DCUN1D2: variants seen among roughly 807,000 people sequenced by gnomAD.
DCUN1D2 encodes DCN1-like protein 2.
In DCUN1D2, 29 loss-of-function variants were observed where a neutral mutation model predicts 30.9. The ratio of observed to expected loss-of-function variants is 0.94; its 90% CI spans 0.70 to 1.28. The LOEUF (loss-of-function observed/expected upper bound fraction) is 1.28, where lower values mean the gene tolerates loss of function less well. Ranked by LOEUF, DCUN1D2 falls within the 50% of genes most tolerant of loss-of-function variation. DCUN1D2 has a pLI of 0.00. For missense variants in DCUN1D2, 325 were observed against 316.9 expected (o/e 1.03, Z -0.19); for synonymous variants, 121 against 115.3 (o/e 1.05, Z -0.32).
chr13:113,459,807 T>TC (rs373005506), intron 5 of DCUN1D2, among the ~76,000 whole-genome samples: 43 of 152,360 alleles, frequency 2.8e-4, no homozygotes, highest in African/African-American at 1.0e-3. Flanking sequence ...CTTGTTTTTT[T>TC]CCCACTCAGC....
At chr13:113,458,144 G>A (rs748681001) in intron 6 of DCUN1D2, 36 bp from the exon 7 acceptor site, 4 of 1,570,486 alleles carry the variant, frequency 2.5e-6, no homozygotes, top group Non-Finnish European at 3.5e-6. Flanking sequence ...ACCCGTTAGA[G>A]CACCGTTTTT....
chr13:113,472,014 G>T (rs2044525734), intron 4 of DCUN1D2, among the ~76,000 whole-genome samples: 1 of 152,152 alleles, frequency 6.6e-6, no homozygotes, highest in South Asian at 2.1e-4. Context: ...TAAGTCGGGG[G>T]AGAGTGTATT....
At chr13:113,485,956 C>A (rs991570696) in intron 1 of DCUN1D2, among the ~76,000 whole-genome samples, 1 of 152,106 alleles carries the variant, frequency 6.6e-6, no homozygotes, top group Non-Finnish European at 1.5e-5. Context: ...TTTATCAAGC[C>A]AGACATTAAG....
intron 4 of DCUN1D2, among the ~76,000 whole-genome samples, chr13:113,472,155 T>C (rs2044529877): frequency 6.6e-6 from 1 of 152,006 alleles, no homozygotes; most frequent in Non-Finnish European, 1.5e-5. Context: ...ACCATGGATA[T>C]TCTAACGCTA....
intron 4 of DCUN1D2, among the ~76,000 whole-genome samples, chr13:113,470,427 G>GA (rs113699426): frequency 8.5e-5 from 13 of 152,316 alleles, no homozygotes; most frequent in African/African-American, 3.1e-4. Flanking sequence ...GGTGAAAAAG[G>GA]AAGATCATTT....
chr13:113,467,309 T>C (rs1309772361), intron 4 of DCUN1D2, among the ~76,000 whole-genome samples: 1 of 152,230 alleles, frequency 6.6e-6, no homozygotes, highest in South Asian at 2.1e-4. Flanking sequence ...TGTTACTATG[T>C]GCATTTTAAA....
chr13:113,459,832 G>A (rs2044289492), intron 5 of DCUN1D2, among the ~76,000 whole-genome samples: 2 of 152,048 alleles, frequency 1.3e-5, no homozygotes, highest in African/African-American at 2.4e-5. Flanking sequence ...TGTCTGAAAC[G>A]TATGCGGGCT....
intron 2 of DCUN1D2, among the ~76,000 whole-genome samples, chr13:113,481,572 C>CAT (rs2044707720): frequency 6.6e-6 from 1 of 152,182 alleles, no homozygotes; most frequent in Non-Finnish European, 1.5e-5. Context: ...TATACTACCA[C>CAT]ATATATATAG....
intron 4 of DCUN1D2, chr13:113,468,879 G>C (rs543125870): frequency 6.6e-6 from 1 of 152,522 alleles, no homozygotes; most frequent in Non-Finnish European, 1.5e-5. Context: ...CGTCATGCCG[G>C]GGACGTGGGG....
At position 113,480,564 on chromosome 13, in the gene DCUN1D2, A is replaced by C; in HGVS notation, c.389+11T>G. The C allele has an allele frequency of 1.2e-6, 2 of 1,613,990 alleles. No homozygotes were observed. The highest frequency in any genetic ancestry group is 2.2e-5 in the South Asian group (2 of 91,060). ...TTCTGAAAACATTTAAGCTAAGAAT[A>C]GTTGACTTACCCAAGTTCTGTCATG... On this transcript the variant is annotated intron_variant, in intron 3 of 6. Transcript: ENST00000478244.
chr13:113,459,552 G>C (rs1020494794), intron 5 of DCUN1D2, 144 bp from the exon 6 acceptor site: 2 of 527,024 alleles, frequency 3.8e-6, no homozygotes, highest in Non-Finnish European at 6.8e-6. Flanking sequence ...AAGTAATAGC[G>C]TTCTGTATAA....
upstream of DCUN1D2, chr13:113,490,819 G>C: frequency 4.5e-6 from 3 of 664,234 alleles, no homozygotes; most frequent in Non-Finnish European, 4.0e-6. This position sits in a 1 kb window ranked among gnomAD's most constrained non-coding sequence, Gnocchi z 5.2. Flanking sequence ...CATGCTCAGC[G>C]CCGCCCGGGG....
intron 3 of DCUN1D2, chr13:113,476,094 T>C (rs1284194407): frequency 6.6e-6 from 1 of 152,262 alleles, no homozygotes; most frequent in Non-Finnish European, 1.5e-5. Flanking sequence ...ATTCTTGTTA[T>C]ATACATATTT....
In DCUN1D2 at chr13:113,474,272, G is replaced by A. The variant is rs771389495; in HGVS notation, c.390-18C>T. 4 of 1,612,298 alleles carry A rather than the reference G, an allele frequency of 2.5e-6. No individual in the cohort carries two copies. Among genetic ancestry groups the A allele is most frequent in the Non-Finnish European group, 3.4e-6 (4 of 1,178,686 alleles). Reference sequence around the variant, plus strand: ...TGTCACACCTGCGATGACAGAGAGTGGTTTGTCTTGCAGCAGATGCGCCTC... The same window carrying A: ...TGTCACACCTGCGATGACAGAGAGTAGTTTGTCTTGCAGCAGATGCGCCTC... On this transcript the variant is annotated intron_variant, in intron 3 of 6. Coordinates refer to ENST00000478244, the MANE Select transcript of DCUN1D2 (RefSeq NM_001014283.2).
At chr13:113,474,064 C>T (rs1377211996) in intron 4 of DCUN1D2, 60 bp downstream of exon 4, 1 of 1,573,904 alleles carries the variant, frequency 6.4e-7, no homozygotes, top group Non-Finnish European at 8.7e-7. Context: ...TCATGTTGCT[C>T]ACGTCCACTG....
intron 4 of DCUN1D2, among the ~76,000 whole-genome samples, chr13:113,471,253 TCACAAGGGACCCAACTC>T (rs2044508873): frequency 1.8e-5 from 1 of 54,488 alleles, no homozygotes; most frequent in Admixed American, 1.9e-4. Context: ...AGACCCAACT[TCACAAGGGACCCAACTC>T]CACAGGGGAC....
At chr13:113,473,269 C>T (rs1595578982) in intron 4 of DCUN1D2, among the ~76,000 whole-genome samples, 1 of 152,136 alleles carries the variant, frequency 6.6e-6, no homozygotes, top group East Asian at 1.9e-4. Flanking sequence ...TGTGCAACTG[C>T]CCTCTCAGGT....
chr13:113,465,837 T>TTGTA (rs1050913929), intron 4 of DCUN1D2, among the ~76,000 whole-genome samples: 10 of 151,470 alleles, frequency 6.6e-5, no homozygotes, highest in Middle Eastern at 3.4e-3. Flanking sequence ...CAGATAATTC[T>TTGTA]TGTATGTATG....
intron 4 of DCUN1D2, among the ~76,000 whole-genome samples, chr13:113,466,970 C>CCTGTCCT (rs2044415152): frequency 6.6e-6 from 1 of 152,052 alleles, no homozygotes; most frequent in Admixed American, 6.6e-5. Flanking sequence ...CCACGCCCGG[C>CCTGTCCT]TAATTTTTTA....
Sources: allele counts gnomAD v4.1 joint callset (sites outside exome capture counted in the v4.1 genomes callset), GRCh38; gene constraint gnomAD v4.1.1; non-coding constraint Gnocchi (gnomAD v3.1); transcripts MANE v1.5; gene names NCBI Gene and HGNC (gene_info 2026-07-23, HGNC 2026-07-21).